The following RTP2 variants were observed in gnomAD, a reference collection of about 807,000 sequenced individuals.
RTP2 encodes receptor transporter protein 2.
In RTP2, 12 loss-of-function variants were observed where a neutral mutation model predicts 17.9. That is an observed-to-expected ratio of 0.67 (90% CI 0.43 to 1.09). The LOEUF is 1.09. Among genes scored for constraint, RTP2 ranks in the 50% least tolerant of loss-of-function variants. The probability of loss-of-function intolerance (pLI) is 0.00; values close to 1 mark genes in which losing one functional copy is unlikely to be tolerated. For synonymous variants in RTP2, 126 were observed against 117.7 expected (o/e 1.07, Z -0.46); for missense variants, 327 against 295.7 (o/e 1.11, Z -0.78).
In RTP2 at chr3:187,702,020, G is replaced by A. The variant is rs1317886561; in HGVS notation, c.109C>T (p.Pro37Ser). ...TTCCAGCCAGGGGCCAGCTCACTGG[G>A]CTTGAGGTTGGGGTCTATGATGAGC... Residue 37 changes from proline to serine, a missense_variant, in exon 1 of 2, where the codon CCC becomes TCC. Transcript: ENST00000358241. The A allele has an allele frequency of 2.5e-6, 4 of 1,613,008 alleles. No homozygotes were observed. The South Asian group carries it at 4.4e-5, about 18-fold the overall frequency.
At chr3:187,703,489 G>C (rs191315227), upstream of RTP2, among the ~76,000 whole-genome samples, 75 of 152,306 alleles carry the variant, frequency 4.9e-4, 1 homozygote, top group East Asian at 0.013. Flanking sequence ...AGCTCTAGAA[G>C]AGCTCTTTTA....
chr3:187,709,842 C>G, the RTP2 span, among the ~76,000 whole-genome samples: 1 of 152,088 alleles, frequency 6.6e-6, no homozygotes, highest in Non-Finnish European at 1.5e-5. Flanking sequence ...CTTCGCTTGA[C>G]CAAGGGGTGC....
chr3:187,708,714 A>G, the RTP2 span, among the ~76,000 whole-genome samples: 1 of 152,242 alleles, frequency 6.6e-6, no homozygotes, highest in South Asian at 2.1e-4. Flanking sequence ...AGTCCTCACT[A>G]TGCACTATGA....
At chr3:187,702,264 C>A in exon 1 of RTP2, 1 of 829,210 alleles carries the variant, frequency 1.2e-6, no homozygotes, top group Non-Finnish European at 1.9e-6. Context: ...GGACCCAGCT[C>A]CCTCCTCTGT....
rs776152796 is a variant in RTP2 at position 187,698,831 on chromosome 3, C to T, written c.345G>A (p.Glu115=). Residue 115 remains glutamate, a synonymous_variant, in exon 2 of 2, where the codon GAG becomes GAA. Coordinates refer to ENST00000358241, the Ensembl canonical transcript of RTP2. ...TGGTGATGAGGTTGTCCACCAGGCC[C>T]TCGATGTTCTCCTCCAGCATGCTGG... The T allele has an allele frequency of 9.9e-6, 16 of 1,612,956 alleles. No individual in the cohort carries two copies. In the Admixed American group the frequency reaches 2.5e-4, roughly 25 times the overall value.
Position 187,698,650 on chromosome 3 carries a change from C to T in RTP2, c.526G>A (p.Val176Met), listed in dbSNP as rs376180296. ...GAGGCTTCAGAGGTGTAGGTGGTCACCTCCTCCTCCAGCAGCTTCTCGCTG... is the reference window on the plus strand; with the variant it reads ...GAGGCTTCAGAGGTGTAGGTGGTCATCTCCTCCTCCAGCAGCTTCTCGCTG... The change falls in exon 2 of 2, where the codon GTG becomes ATG. Residue 176 changes from valine to methionine, a missense_variant. Physicochemically the swap from Val to Met is conservative, Grantham distance 21 (BLOSUM62 1). Coordinates refer to ENST00000358241, the Ensembl canonical transcript of RTP2. 5 of 1,614,188 alleles carry T rather than the reference C, an allele frequency of 3.1e-6. No homozygotes were observed. In the South Asian group the frequency reaches 4.4e-5, roughly 14 times the overall value.
At chr3:187,710,452 C>T in the RTP2 span, among the ~76,000 whole-genome samples, 1 of 149,080 alleles carries the variant, frequency 6.7e-6, no homozygotes, top group Non-Finnish European at 1.5e-5. Context: ...ACATAAATAT[C>T]TATCTTATTG....
intron 1 of RTP2, among the ~76,000 whole-genome samples, chr3:187,701,346 A>G (rs1331691362): frequency 2.0e-5 from 3 of 152,188 alleles, no homozygotes; most frequent in Non-Finnish European, 4.4e-5. Flanking sequence ...TCAAAGCTAA[A>G]TCTTTTTATC....
intron 1 of RTP2, among the ~76,000 whole-genome samples, chr3:187,701,662 G>A (rs1311211174): frequency 1.3e-5 from 2 of 152,100 alleles, no homozygotes; most frequent in African/African-American, 2.4e-5. Flanking sequence ...CCTTCCTTCA[G>A]TTCCAACTCA....
upstream of RTP2, among the ~76,000 whole-genome samples, chr3:187,707,362 C>A (rs1187498772): frequency 1.3e-5 from 2 of 152,198 alleles, no homozygotes; most frequent in Non-Finnish European, 2.9e-5. Flanking sequence ...ATGTGATCGT[C>A]TTTGGAAAAC....
At chr3:187,699,376 G>A (rs1717784640) in intron 1 of RTP2, among the ~76,000 whole-genome samples, 1 of 152,162 alleles carries the variant, frequency 6.6e-6, no homozygotes, top group Non-Finnish European at 1.5e-5. Context: ...GTGAAATGTA[G>A]TGTGTTGGCG....
the RTP2 span, among the ~76,000 whole-genome samples, chr3:187,714,805 T>C: frequency 1.3e-5 from 2 of 152,128 alleles, no homozygotes; most frequent in Non-Finnish European, 2.9e-5. Context: ...GCAGGGGTCT[T>C]GGTGTTTGCA....
chr3:187,705,471 T>A (rs182364096), upstream of RTP2, among the ~76,000 whole-genome samples: 72 of 152,334 alleles, frequency 4.7e-4, no homozygotes, highest in African/African-American at 1.6e-3. Context: ...GGGGTCAATA[T>A]CCTGGGCAGA....
upstream of RTP2, among the ~76,000 whole-genome samples, chr3:187,707,279 A>G (rs569901966): frequency 6.6e-6 from 1 of 152,344 alleles, no homozygotes; most frequent in African/African-American, 2.4e-5. Context: ...AAGGTAAAGG[A>G]GCATAGACCC....
At chr3:187,699,591 C>T (rs532806567) in intron 1 of RTP2, among the ~76,000 whole-genome samples, 2 of 152,068 alleles carry the variant, frequency 1.3e-5, no homozygotes, top group South Asian at 4.2e-4. Context: ...GATCAACTGG[C>T]TTTTAGGAGG....
intron 1 of RTP2, among the ~76,000 whole-genome samples, chr3:187,699,806 C>A (rs1298422299): frequency 6.6e-6 from 1 of 151,206 alleles, no homozygotes; most frequent in Non-Finnish European, 1.5e-5. Context: ...CTCTCTCTTA[C>A]ATGCACAGAG....
chr3:187,713,110 C>G, the RTP2 span, among the ~76,000 whole-genome samples: 1 of 152,140 alleles, frequency 6.6e-6, no homozygotes, highest in East Asian at 1.9e-4. Flanking sequence ...CTCAGGCCCT[C>G]AGCACTGAAG....
intron 1 of RTP2, among the ~76,000 whole-genome samples, chr3:187,701,239 C>T (rs1388630718): frequency 6.6e-6 from 1 of 152,196 alleles, no homozygotes; most frequent in Non-Finnish European, 1.5e-5. Context: ...TAGACGGCCT[C>T]GTCCCCTTGG....
chr3:187,704,825 T>C (rs540850837), upstream of RTP2, among the ~76,000 whole-genome samples: 9 of 152,274 alleles, frequency 5.9e-5, no homozygotes, highest in East Asian at 9.7e-4. Context: ...GGAGCTGACC[T>C]CTGAATCTCA....
Sources: allele counts gnomAD v4.1 joint callset (sites outside exome capture counted in the v4.1 genomes callset), GRCh38; gene constraint gnomAD v4.1.1; transcripts MANE v1.5; gene names NCBI Gene and HGNC (gene_info 2026-07-23, HGNC 2026-07-21).